Variants in COL15A1 observed in about 807,000 individuals in gnomAD.
COL15A1 encodes the protein collagen type XV alpha 1 chain, also known as collagen alpha-1(XV) chain.
COL15A1 carries 111 observed loss-of-function variants against 165.9 expected under a neutral mutation model. The ratio of observed to expected loss-of-function variants is 0.67; its 90% CI spans 0.57 to 0.78. COL15A1 has a LOEUF of 0.78. COL15A1 is among the 30% of genes least tolerant of loss of function. The probability of loss-of-function intolerance (pLI) is 0.00; values close to 1 mark genes in which losing one functional copy is unlikely to be tolerated. For missense variants in COL15A1, 1,745 were observed against 1,789.7 expected (o/e 0.98, Z 0.45); for synonymous variants, 659 against 674.8 (o/e 0.98, Z 0.36).
intron 4 of COL15A1, among the ~76,000 whole-genome samples, 188 bp from the exon 5 acceptor site, chr9:98,988,990 C>T (rs540151442): frequency 4.6e-5 from 7 of 151,902 alleles, no homozygotes; most frequent in East Asian, 1.9e-4. Context: ...ACTGCACACA[C>T]GCTGTCTCCT....
Position 99,057,543 on chromosome 9 carries a change from A to G in COL15A1, c.3337+1139A>G, listed in dbSNP as rs143053306. On this transcript the variant is annotated intron_variant, in intron 35 of 41. Coordinates refer to ENST00000375001, the MANE Select transcript of COL15A1 (RefSeq NM_001855.5). Reference sequence around the variant, plus strand: ...GCTAATCACTTTGCTATGGTATTTTATTGAAACCTCACAACAACACTTTAA... The same window carrying G: ...GCTAATCACTTTGCTATGGTATTTTGTTGAAACCTCACAACAACACTTTAA... 2.5e-3 allele frequency among the ~76,000 whole-genome samples: 382 copies of G among 152,288 alleles called. 3 individuals are homozygous for G. Among genetic ancestry groups the G allele is most frequent in the Admixed American group, 0.014 (211 of 15,296 alleles).
Position 99,044,728 on chromosome 9 carries a change from GT to G in COL15A1, c.2644-3del. 1 of 1,613,828 alleles carries G rather than the reference GT, an allele frequency of 6.2e-7. No homozygotes were observed. ...AACAGTGACAAGTATATATCTTCCT[GT>G]TTTAGGGTGAACCTGGAATGCATGG... On this transcript the variant is annotated splice_polypyrimidine_tract_variant and splice_region_variant and intron_variant, in intron 25 of 41. Coordinates refer to ENST00000375001, the MANE Select transcript of COL15A1 (RefSeq NM_001855.5).
intron 36 of COL15A1, among the ~76,000 whole-genome samples, chr9:99,061,035 A>G (rs1394490392): frequency 2.0e-5 from 3 of 152,240 alleles, no homozygotes; most frequent in East Asian, 3.8e-4. Context: ...GTTCGTTGGA[A>G]CAAGACATAG....
At chr9:99,057,032 A>T (rs1825731248) in intron 35 of COL15A1, among the ~76,000 whole-genome samples, 1 of 152,190 alleles carries the variant, frequency 6.6e-6, no homozygotes, top group Non-Finnish European at 1.5e-5. Flanking sequence ...TTTTTATGTG[A>T]ACATGTTTTC....
Position 99,025,548 on chromosome 9 carries a change from T to C in COL15A1, c.1981-356T>C, listed in dbSNP as rs143495554. Among the ~76,000 whole-genome samples the C allele has an allele frequency of 8.5e-5, 13 of 152,352 alleles. No homozygotes were observed. The East Asian group carries it at 2.5e-3, about 29-fold the overall frequency. On this transcript the variant is annotated intron_variant, in intron 15 of 41. Coordinates refer to ENST00000375001, the MANE Select transcript of COL15A1 (RefSeq NM_001855.5). ...TGGTTTATCAGATGTAGCCCCATTG[T>C]AAGTCAAGAAGCGTCTGTACAGGAG...
chr9:98,950,193 C>T (rs1837657155), intron 2 of COL15A1, among the ~76,000 whole-genome samples: 1 of 152,150 alleles, frequency 6.6e-6, no homozygotes, highest in African/African-American at 2.4e-5. Flanking sequence ...GTTTCTACTT[C>T]TTTGCACCTA....
intron 9 of COL15A1, among the ~76,000 whole-genome samples, chr9:99,007,439 A>G (rs1207809977): frequency 6.6e-6 from 1 of 152,210 alleles, no homozygotes; most frequent in Non-Finnish European, 1.5e-5. Context: ...TCTTTCAGAT[A>G]AAGCATTTTA....
At chr9:98,990,177 C>T (rs1394903720) in intron 5 of COL15A1, among the ~76,000 whole-genome samples, 1 of 152,180 alleles carries the variant, frequency 6.6e-6, no homozygotes, top group East Asian at 1.9e-4. Flanking sequence ...AAGTCCTGTA[C>T]ATCTCTTTCT....
intron 2 of COL15A1, among the ~76,000 whole-genome samples, chr9:98,971,856 C>G (rs1199561934): frequency 6.6e-6 from 1 of 152,220 alleles, no homozygotes; most frequent in Non-Finnish European, 1.5e-5. Flanking sequence ...GGGGGAGCCA[C>G]CCCACGCTCT....
intron 2 of COL15A1, among the ~76,000 whole-genome samples, chr9:98,945,422 A>C (rs1226502108): frequency 2.0e-5 from 3 of 152,216 alleles, no homozygotes; most frequent in Non-Finnish European, 2.9e-5. Flanking sequence ...CAGAAGAGCC[A>C]TGCTTTCTAT....
At chr9:98,955,567 C>T (rs1273228879) in intron 2 of COL15A1, among the ~76,000 whole-genome samples, 4 of 152,232 alleles carry the variant, frequency 2.6e-5, no homozygotes, top group Non-Finnish European at 4.4e-5. Context: ...TCCAGCCACA[C>T]TGAAAGACCA....
intron 41 of COL15A1, 59 bp from the exon 42 acceptor site, chr9:99,069,614 C>G: frequency 5.1e-6 from 8 of 1,572,002 alleles, no homozygotes; most frequent in Middle Eastern, 1.7e-4. Flanking sequence ...ATTTGCTTAC[C>G]AAAAAATACC....
At chr9:98,993,618 A>G (rs10988495) in intron 5 of COL15A1, among the ~76,000 whole-genome samples, 17,715 of 152,220 alleles carry the variant, frequency 0.12, 1,194 homozygotes, top group East Asian at 0.27. Context: ...CACTGAGGCC[A>G]TGGAGATGGT....
chr9:99,034,402 G>A lies in COL15A1; in HGVS notation c.2044-147G>A, dbSNP rs1260738444. The A allele has an allele frequency of 6.8e-6, 9 of 1,322,890 alleles. No individual in the cohort carries two copies. In the South Asian group the frequency reaches 1.6e-4, roughly 23 times the overall value. The allele number at this position is 1,322,890 out of a possible 1,614,324, so 81.9% of individuals were successfully genotyped here. A position where few individuals can be genotyped will look rare whatever the true frequency, so the allele number is the denominator to read the frequency against. On this transcript the variant is annotated intron_variant, in intron 16 of 41. Coordinates refer to ENST00000375001, the MANE Select transcript of COL15A1 (RefSeq NM_001855.5). ...AACAGACTGGCACCTATTGTAATGT[G>A]TTTGGTTTGGAGACACCAATCTGAG... is the stretch of plus-strand genomic sequence containing the variant.
chr9:98,992,052 T>A (rs1838445168), intron 5 of COL15A1, among the ~76,000 whole-genome samples: 1 of 152,270 alleles, frequency 6.6e-6, no homozygotes. Flanking sequence ...TCCAGCTGGC[T>A]TCGCCTAGTG....
Position 99,020,408 on chromosome 9 carries a change from G to T in COL15A1, c.1667G>T (p.Gly556Val). Residue 556 changes from glycine to valine, a missense_variant, in exon 12 of 42, where the codon GGA becomes GTA. Transcript: ENST00000375001. ...TTTTAGGCTCAAAGAGAACATGTGG[G>T]AATGAAAGGACAGGCTGGGCCCAAA... is the stretch of plus-strand genomic sequence containing the variant. ...WITPAQREHV[G>V]MKGQAGPKGE... 6.2e-7 allele frequency: 1 copy of T among 1,613,650 alleles called. No homozygotes were observed. Among genetic ancestry groups the T allele is most frequent in the African/African-American group, 1.3e-5 (1 of 75,038 alleles).
At chr9:98,971,663 G>A (rs1286690227) in intron 2 of COL15A1, among the ~76,000 whole-genome samples, 3 of 152,236 alleles carry the variant, frequency 2.0e-5, no homozygotes, top group Non-Finnish European at 4.4e-5. Context: ...CAAGACAGCA[G>A]GAACCACTGC....
At position 98,968,771 on chromosome 9, in the gene COL15A1, G is replaced by C. The variant is rs138749485; in HGVS notation, c.101-16794G>C. The stretch of plus-strand genomic sequence containing the variant: ...TTAAGTTGTTCCTTCAGCTCCTGCA[G>C]TTGGGCCTGGCCTATAGCTTCCTGC... On this transcript the variant is annotated intron_variant, in intron 2 of 41. Transcript: ENST00000375001. Among the ~76,000 whole-genome samples the C allele has an allele frequency of 7.6e-3, 1,150 of 152,282 alleles. 13 individuals carry two copies. Among genetic ancestry groups the C allele is most frequent in the African/African-American group, 0.027 (1,105 of 41,552 alleles).
chr9:98,983,324 C>A (rs62561178), intron 2 of COL15A1, among the ~76,000 whole-genome samples: 9,210 of 152,180 alleles, frequency 0.061, 410 homozygotes, highest in Non-Finnish European at 0.089. Context: ...CTTCTTGCTG[C>A]TGAAGGGTCA....
Sources: gnomAD v4.1 joint callset for allele counts (sites outside exome capture counted in the v4.1 genomes callset) on GRCh38, gnomAD v4.1.1 for gene constraint, MANE v1.5 for transcripts, NCBI Gene and HGNC (gene_info 2026-07-23, HGNC 2026-07-21) for gene names.